Variants in ROR2 observed in about 807,000 individuals in gnomAD.
ROR2 encodes ROR family WNT receptor 2.
Under a neutral mutation model 74.9 loss-of-function variants are expected in ROR2, and 33 were observed. The ratio of observed to expected loss-of-function variants is 0.44; its 90% CI spans 0.33 to 0.59. The LOEUF (loss-of-function observed/expected upper bound fraction) is 0.59, where lower values mean the gene tolerates loss of function less well. Ranked by LOEUF, ROR2 falls within the 20% of genes least tolerant of loss-of-function variation. The pLI is 0.02. For missense variants in ROR2, 1,216 were observed against 1,313.8 expected, an observed-to-expected ratio of 0.93 and a Z score of 1.15; for synonymous variants, 586 against 558.7, an observed-to-expected ratio of 1.05 and a Z score of -0.69.
intron 1 of ROR2, among the ~76,000 whole-genome samples, chr9:91,926,045 A>G (rs1250274295): frequency 2.0e-5 from 3 of 151,348 alleles, no homozygotes; most frequent in Non-Finnish European, 4.4e-5. Flanking sequence ...AGAGTTCAAG[A>G]CCAGCCTGGC....
At position 91,783,669 on chromosome 9, in the gene ROR2, G is replaced by A. The variant is rs544082860; in HGVS notation, c.98-7851C>T. ...GAGCTTTTCAGCTCTTACCTCCTTGGCTGACATTTCTTTTTCTCATAATAT... is the reference window on the plus strand; with the variant it reads ...GAGCTTTTCAGCTCTTACCTCCTTGACTGACATTTCTTTTTCTCATAATAT... On this transcript the variant is annotated intron_variant, in intron 1 of 8. Transcript: ENST00000375708. Among the ~76,000 whole-genome samples, 5 of 152,264 alleles carry A rather than the reference G, an allele frequency of 3.3e-5. 1 individual carries two copies. In the South Asian group the frequency reaches 1.0e-3, roughly 32 times the overall value.
intron 1 of ROR2, among the ~76,000 whole-genome samples, chr9:91,919,193 CT>C (rs1831209614): frequency 6.6e-6 from 1 of 152,218 alleles, no homozygotes; most frequent in African/African-American, 2.4e-5. Flanking sequence ...TAAATGGGCA[CT>C]TAATAAACAT....
Position 91,950,045 on chromosome 9 carries a change from G to A in ROR2, c.-82C>T, listed in dbSNP as rs1414986851. ...GGGCGCCACCACCCCTTTCTACGAT[G>A]CGTCCGCTCCTCCTTCTCCCTGGCG... On this transcript the variant is annotated 5_prime_UTR_variant, in exon 1 of 9. Coordinates refer to ENST00000375708, the MANE Select transcript of ROR2 (RefSeq NM_004560.4). 2 of 607,370 alleles carry A rather than the reference G, an allele frequency of 3.3e-6. No homozygotes were observed. The highest frequency in any genetic ancestry group is 5.1e-6 in the Non-Finnish European group (2 of 390,572). 37.6% of individuals were successfully genotyped at this position (607,370 alleles called of 1,614,324 possible).
intron 1 of ROR2, chr9:91,948,702 C>G (rs1346435946): frequency 2.0e-6 from 2 of 985,368 alleles, no homozygotes; most frequent in Non-Finnish European, 2.4e-6. Context: ...TGCGACTGTC[C>G]CGATTCTCAC....
intron 1 of ROR2, among the ~76,000 whole-genome samples, chr9:91,843,617 G>A (rs909671277): frequency 6.6e-5 from 10 of 152,170 alleles, no homozygotes; most frequent in Non-Finnish European, 1.5e-4. Context: ...CTCGCACTTA[G>A]AAATTACTAT....
chr9:91,868,401 A>G (rs1829702722), intron 1 of ROR2, among the ~76,000 whole-genome samples: 1 of 152,150 alleles, frequency 6.6e-6, no homozygotes, highest in Admixed American at 6.5e-5. Flanking sequence ...GAAGAAGAAA[A>G]AAAGAGTGAC....
chr9:91,741,310 A>G (rs946545895), intron 4 of ROR2, among the ~76,000 whole-genome samples: 18 of 96,232 alleles, frequency 1.9e-4, no homozygotes, highest in East Asian at 4.0e-4. Flanking sequence ...AGTAGTAATA[A>G]TAATAATAAT....
At chr9:91,819,078 T>C in intron 1 of ROR2, among the ~76,000 whole-genome samples, 1 of 152,004 alleles carries the variant, frequency 6.6e-6, no homozygotes, top group South Asian at 2.1e-4. Context: ...AGAAGCCTGG[T>C]GGGTCTAGGG....
chr9:91,793,427 A>C (rs911097834), intron 1 of ROR2, among the ~76,000 whole-genome samples: 1 of 152,192 alleles, frequency 6.6e-6, no homozygotes, highest in Non-Finnish European at 1.5e-5. Context: ...GTAAATTCCA[A>C]ATGATCACAG....
At chr9:91,825,529 AG>A (rs1828259693) in intron 1 of ROR2, among the ~76,000 whole-genome samples, 1 of 152,238 alleles carries the variant, frequency 6.6e-6, no homozygotes, top group Non-Finnish European at 1.5e-5. Flanking sequence ...AGACTTGGAC[AG>A]GAACATCTGC....
intron 1 of ROR2, among the ~76,000 whole-genome samples, chr9:91,831,771 C>T (rs1293464728): frequency 6.6e-6 from 1 of 152,128 alleles, no homozygotes; most frequent in Non-Finnish European, 1.5e-5. Flanking sequence ...GCTGAGATCA[C>T]ACCATTGCAC....
chr9:91,859,916 A>G (rs763464197), intron 1 of ROR2, among the ~76,000 whole-genome samples: 5 of 152,202 alleles, frequency 3.3e-5, no homozygotes, highest in Non-Finnish European at 5.9e-5. Context: ...GAAAAGCACA[A>G]CTAGAAGACC....
intron 1 of ROR2, among the ~76,000 whole-genome samples, chr9:91,782,236 G>A (rs1826642892): frequency 6.6e-6 from 1 of 152,210 alleles, no homozygotes; most frequent in South Asian, 2.1e-4. Context: ...AGCAGAAAAG[G>A]AGCAAACAGA....
rs763115397 is a variant in ROR2 at position 91,724,499 on chromosome 9, C to G, written c.1995G>C (p.Met665Ile). ...PIRWMAPEAI[M>I]YGKFSIDSDI... Reference sequence around the variant, plus strand: ...CTGAGTCGATGGAGAACTTGCCGTACATGATGGCCTCTGGGGCCATCCAGC... The same window carrying G: ...CTGAGTCGATGGAGAACTTGCCGTAGATGATGGCCTCTGGGGCCATCCAGC... Residue 665 changes from methionine (M) to isoleucine (I), a missense_variant, in exon 9 of 9, where the codon ATG becomes ATC. Met to Ile is a conservative substitution (Grantham distance 10, BLOSUM62 1). Coordinates refer to ENST00000375708, the MANE Select transcript of ROR2 (RefSeq NM_004560.4). 13 of 1,614,226 alleles carry G rather than the reference C, an allele frequency of 8.1e-6. No homozygotes were observed. In the South Asian group the frequency reaches 1.4e-4, roughly 18 times the overall value.
chr9:91,791,908 A>G (rs965744041), intron 1 of ROR2, among the ~76,000 whole-genome samples: 3 of 152,232 alleles, frequency 2.0e-5, no homozygotes, highest in African/African-American at 7.2e-5. Flanking sequence ...AGTATGTTTA[A>G]CCACAATGGA....
intron 1 of ROR2, among the ~76,000 whole-genome samples, chr9:91,874,524 A>G (rs1829901429): frequency 6.6e-6 from 1 of 152,262 alleles, no homozygotes; most frequent in Non-Finnish European, 1.5e-5. Context: ...CTAGGCGATA[A>G]AACAGAAAAT....
At chr9:91,821,558 C>T (rs2119148573) in intron 1 of ROR2, among the ~76,000 whole-genome samples, 1 of 152,278 alleles carries the variant, frequency 6.6e-6, no homozygotes, top group South Asian at 2.1e-4. Flanking sequence ...CTCCCCTCCA[C>T]AGCCATGCAC....
At chr9:91,763,404 AAAAGTGCTTG>A (rs1280020056) in intron 2 of ROR2, among the ~76,000 whole-genome samples, 9 of 152,240 alleles carry the variant, frequency 5.9e-5, no homozygotes, top group African/African-American at 2.2e-4. Flanking sequence ...TCTGAGTCTC[AAAAGTGCTTG>A]AAACAATTTG....
intron 1 of ROR2, among the ~76,000 whole-genome samples, chr9:91,848,139 T>A (rs1828982582): frequency 6.6e-6 from 1 of 152,250 alleles, no homozygotes; most frequent in Non-Finnish European, 1.5e-5. Context: ...GTTGGTTTGA[T>A]GCTATTTCTT....
Sources: allele counts gnomAD v4.1 joint callset (sites outside exome capture counted in the v4.1 genomes callset), GRCh38; gene constraint gnomAD v4.1.1; transcripts MANE v1.5; gene names NCBI Gene and HGNC (gene_info 2026-07-23, HGNC 2026-07-21).